UMODL1: variants seen among roughly 807,000 people sequenced by gnomAD.
UMODL1 encodes uromodulin like 1.
UMODL1 carries 128 observed loss-of-function variants against 136.3 expected under a neutral mutation model. The ratio of observed to expected loss-of-function variants is 0.94; its 90% confidence interval spans 0.81 to 1.09. UMODL1 has a LOEUF of 1.09. Ranked by LOEUF, UMODL1 falls within the 50% of genes least tolerant of loss-of-function variation. The probability of loss-of-function intolerance (pLI) is 0.00; values close to 1 mark genes in which losing one functional copy is unlikely to be tolerated. For missense variants in UMODL1, 1,766 were observed against 1,725.6 expected (o/e 1.02, Z -0.41); for synonymous variants, 721 against 720.0 (o/e 1.00, Z -0.02).
rs2067298307 is a variant in UMODL1, at chr21:42,142,648, G to A, written c.*574G>A. On this transcript the variant is annotated 3_prime_UTR_variant, in exon 23 of 23. Transcript: ENST00000408910. Reference sequence around the variant, plus strand: ...TTTGACTTTTCTCCTGTGTACCAAGGTATTGCTTTTATTTACACGACAGCG... The same window carrying A: ...TTTGACTTTTCTCCTGTGTACCAAGATATTGCTTTTATTTACACGACAGCG... The A allele has an allele frequency of 6.6e-6, 1 of 152,192 alleles. No individual in the cohort carries two copies. Among genetic ancestry groups the A allele is most frequent in the African/African-American group, 2.4e-5 (1 of 41,442 alleles). 9.4% of individuals were successfully genotyped at this position (152,192 alleles called of 1,614,324 possible). A position where few individuals can be genotyped will look rare whatever the true frequency, so the allele number is the denominator to read the frequency against.
At chr21:42,072,281 G>A (rs1344198570) in intron 1 of UMODL1, among the ~76,000 whole-genome samples, 1 of 152,082 alleles carries the variant, frequency 6.6e-6, no homozygotes, top group African/African-American at 2.4e-5. Context: ...ATGGGACTGC[G>A]GAATTTTAAA....
At chr21:42,078,447 G>C (rs111603693) in intron 2 of UMODL1, among the ~76,000 whole-genome samples, 3 of 38,778 alleles carry the variant, frequency 7.7e-5, no homozygotes, top group Admixed American at 2.5e-4. Context: ...GAAACCAGGC[G>C]GGGCCAGCTG....
intron 21 of UMODL1, among the ~76,000 whole-genome samples, chr21:42,137,015 CA>C (rs1226412672): frequency 1.3e-5 from 2 of 152,230 alleles, no homozygotes; most frequent in East Asian, 3.8e-4. Flanking sequence ...CTCAGCCCCG[CA>C]AAGTGCTGAG....
In UMODL1 at chr21:42,077,002, G is replaced by GGTGTGTGT. The variant is rs56409028; in HGVS notation, c.319+813_319+820dup. ...CACAGGTGATCTCTTCCAGGGGAGGGGTGTGTGTGTGTGTGTGTGTGTGTG... is the reference window on the plus strand; with the variant it reads ...CACAGGTGATCTCTTCCAGGGGAGGGGTGTGTGTGTGTGTGTGTGTGTGTGTGTGTGTG... On this transcript the variant is annotated intron_variant, in intron 2 of 22. Transcript: ENST00000408910. Among the ~76,000 whole-genome samples, 86 of 113,254 alleles carry GGTGTGTGT rather than the reference G, an allele frequency of 7.6e-4. 1 individual carries two copies. The highest frequency in any genetic ancestry group is 2.2e-3 in the South Asian group (6 of 2,764). The allele number at this position is 113,254 out of a possible 152,430, so 74.3% of individuals were successfully genotyped here.
chr21:42,140,468 G>T (rs72497603), intron 22 of UMODL1, among the ~76,000 whole-genome samples: 11,739 of 152,112 alleles, frequency 0.077, 552 homozygotes, highest in East Asian at 0.19. Context: ...AGGTGGCCGA[G>T]CTGGGGCTGC....
chr21:42,098,852 T>C, intron 6 of UMODL1, 74 bp from the exon 7 acceptor site: 1 of 1,571,718 alleles, frequency 6.4e-7, no homozygotes, highest in Non-Finnish European at 8.6e-7. Flanking sequence ...GAGATGAGGC[T>C]CTGTTACCTG....
intron 22 of UMODL1, among the ~76,000 whole-genome samples, chr21:42,141,289 T>C (rs1601296301): frequency 6.6e-6 from 1 of 152,138 alleles, no homozygotes; most frequent in Non-Finnish European, 1.5e-5. Context: ...ATTCTGCCCA[T>C]GTGAGGGGGA....
chr21:42,096,229 A>G (rs1411844342), intron 6 of UMODL1, among the ~76,000 whole-genome samples: 1 of 152,160 alleles, frequency 6.6e-6, no homozygotes, highest in Non-Finnish European at 1.5e-5. Context: ...GGATGGGAAC[A>G]TTGTCCTCAG....
chr21:42,128,192 C>A, intron 20 of UMODL1: 1 of 348,624 alleles, frequency 2.9e-6, no homozygotes. Flanking sequence ...TTTTTAACAA[C>A]ATTGATGGAA....
rs35546438 is a variant in UMODL1, at chr21:42,075,241, T to TGGG, written c.77-756_77-754dup. On this transcript the variant is annotated intron_variant, in intron 1 of 22. Coordinates refer to ENST00000408910, the MANE Select transcript of UMODL1 (RefSeq NM_001004416.3). ...TTTTAAAAAATATTTTTGCTGGAGA[T>TGGG]GGGGGGGGGGTTTCACCATGTTGGC... Among the ~76,000 whole-genome samples, 79 of 143,018 alleles carry TGGG rather than the reference T, an allele frequency of 5.5e-4. No homozygotes were observed. In the East Asian group the frequency reaches 9.0e-3, roughly 16 times the overall value. The allele number at this position is 143,018 out of a possible 152,430, so 93.8% of individuals were successfully genotyped here.
chr21:42,127,587 A>G, intron 19 of UMODL1, 85 bp from the exon 20 acceptor site: 3 of 1,428,808 alleles, frequency 2.1e-6, no homozygotes, highest in Non-Finnish European at 2.8e-6. Context: ...GAGTGTCGTC[A>G]GATGTAGTCG....
intron 5 of UMODL1, among the ~76,000 whole-genome samples, chr21:42,089,826 A>G (rs1195008097): frequency 1.3e-5 from 2 of 152,224 alleles, no homozygotes; most frequent in Admixed American, 6.5e-5. Context: ...CTGTACTTAG[A>G]CAGCATTATG....
Position 42,137,507 on chromosome 21 carries a change from G to A in UMODL1, c.3844G>A (p.Val1282Met), listed in dbSNP as rs757886870. Reference sequence around the variant, plus strand: ...GGTCCTTATTGTGGTGGCCATCTTCGTGCTGGTGGCGGGAACAGCCACCCT... The same window carrying A: ...GGTCCTTATTGTGGTGGCCATCTTCATGCTGGTGGCGGGAACAGCCACCCT... ...YVVLIVVAIF[V>M]LVAGTATLLI... The change falls in exon 22 of 23, where the codon GTG (valine) becomes ATG (methionine). Residue 1282 changes from valine to methionine, a missense_variant. Physicochemically the swap from Val to Met is conservative, Grantham distance 21 (BLOSUM62 1). Transcript: ENST00000408910. 22 of 1,614,116 alleles carry A rather than the reference G, an allele frequency of 1.4e-5. No individual in the cohort carries two copies. Among genetic ancestry groups the A allele is most frequent in the African/African-American group, 1.2e-4 (9 of 74,940 alleles).
At chr21:42,082,023 G>A (rs2066367947) in intron 2 of UMODL1, among the ~76,000 whole-genome samples, 1 of 152,218 alleles carries the variant, frequency 6.6e-6, no homozygotes, top group Non-Finnish European at 1.5e-5. Flanking sequence ...GAGCTGCCTG[G>A]ATGATGAGGA....
At position 42,076,130 on chromosome 21, in the gene UMODL1, A is replaced by G; in HGVS notation, c.202A>G (p.Arg68Gly). 2 of 1,614,196 alleles carry G rather than the reference A, an allele frequency of 1.2e-6. No homozygotes were observed. The highest frequency in any genetic ancestry group is 1.7e-6 in the Non-Finnish European group (2 of 1,180,028). ...GTCCTGCGGCGGCTGGATCCCCTGG[A>G]GGCGGTGCCCTAAGATGGTTTACCG... ...YVSCGGWIPW[R>G]RCPKMVYRTQ... Residue 68 changes from arginine to glycine, a missense_variant, in exon 2 of 23, where the codon AGG becomes GGG. Coordinates refer to ENST00000408910, the MANE Select transcript of UMODL1 (RefSeq NM_001004416.3).
rs1569168694 is a variant in UMODL1, at chr21:42,119,200, C to CGTG, written c.2570_2572dup (p.Val857dup). On this transcript the variant is annotated inframe_insertion, in exon 15 of 23. Transcript: ENST00000408910. ...TCGTCAGCGTCACCAACGGCAGCAT[C>CGTG]GTGGTGGAGTTTCACTTGCTGATAA... 4 of 1,614,090 alleles carry CGTG rather than the reference C, an allele frequency of 2.5e-6. No homozygotes were observed. The highest frequency in any genetic ancestry group is 3.4e-6 in the Non-Finnish European group (4 of 1,180,018).
At position 42,122,350 on chromosome 21, in the gene UMODL1, G is replaced by A. The variant is rs1390140208; in HGVS notation, c.2828-481G>A. 1.3e-5 allele frequency among the ~76,000 whole-genome samples: 2 copies of A among 152,080 alleles called. No homozygotes were observed. The highest frequency in any genetic ancestry group is 2.9e-5 in the Non-Finnish European group (2 of 68,018). ...GAAGGGAGCTGGAGTGGGAAGTTTG[G>A]GCACAAGGACCTCAAGAGGAGGCAT... On this transcript the variant is annotated intron_variant, in intron 16 of 22. Transcript: ENST00000408910. This position sits in a 1 kb window ranked among gnomAD's most constrained non-coding sequence, Gnocchi z 4.3.
chr21:42,125,289 G>A (rs2067036968), intron 17 of UMODL1, among the ~76,000 whole-genome samples: 1 of 152,076 alleles, frequency 6.6e-6, no homozygotes, highest in African/African-American at 2.4e-5. Flanking sequence ...GTGGGGAGGT[G>A]GGGCATAAGG....
chr21:42,109,666 G>T lies in UMODL1; in HGVS notation c.1624G>T (p.Ala542Ser), dbSNP rs201642313. Residue 542 changes from alanine (A) to serine (S), a missense_variant, in exon 10 of 23, where the codon GCC becomes TCC. Physicochemically the swap from Ala to Ser is moderately conservative, Grantham distance 99 (BLOSUM62 1). Transcript: ENST00000408910. ...CTGCCAGTGCCGTACCACCAGGGAC[G>T]CCACCCCCTCCCGCGCAGGCCGGGC... ...YTCQCRTTRD[A>S]TPSRAGRACE... 1 of 1,606,988 alleles carries T rather than the reference G, an allele frequency of 6.2e-7. No individual in the cohort carries two copies. Among genetic ancestry groups the T allele is most frequent in the South Asian group, 1.1e-5 (1 of 91,070 alleles).
Sources: allele counts gnomAD v4.1 joint callset (sites outside exome capture counted in the v4.1 genomes callset), GRCh38; gene constraint gnomAD v4.1.1; non-coding constraint Gnocchi (gnomAD v3.1); transcripts MANE v1.5; gene names NCBI Gene and HGNC (gene_info 2026-07-23, HGNC 2026-07-21).